The following ROBO2 variants were observed in gnomAD, a reference collection of about 807,000 sequenced individuals.
The protein encoded by ROBO2 is roundabout guidance receptor 2.
ROBO2 carries 53 observed loss-of-function variants against 160.8 expected under a neutral mutation model. The observed-to-expected ratio is 0.33, with a 90% CI of 0.26 to 0.41. The LOEUF is 0.41. Ranked by LOEUF, ROBO2 falls within the 10% of genes least tolerant of loss-of-function variation. The pLI, the probability that ROBO2 is intolerant of heterozygous loss-of-function variation, is 1.00. For synonymous variants in ROBO2, 664 were observed against 611.7 expected, an observed-to-expected ratio of 1.09 and a Z score of -1.26; for missense variants, 1,577 against 1,722.4, an observed-to-expected ratio of 0.92 and a Z score of 1.49.
At chr3:76,346,336 C>T (rs186666505) in intron 2 of ROBO2, among the ~76,000 whole-genome samples, 1 of 151,814 alleles carries the variant, frequency 6.6e-6, no homozygotes, top group African/African-American at 2.4e-5. Context: ...CAAGCTCCGC[C>T]TGGCAACAAC....
intron 2 of ROBO2, among the ~76,000 whole-genome samples, chr3:76,260,330 G>T (rs887949414): frequency 2.6e-5 from 4 of 152,058 alleles, no homozygotes; most frequent in African/African-American, 9.7e-5. Flanking sequence ...AATGACCATG[G>T]AAGTAGAAAA....
intron 2 of ROBO2, among the ~76,000 whole-genome samples, chr3:76,854,081 T>TCC (rs2069770369): frequency 6.7e-6 from 1 of 149,348 alleles, no homozygotes; most frequent in Admixed American, 6.7e-5. Context: ...TCTGTCTGCC[T>TCC]CTCTCTCTCT....
chr3:76,092,872 G>A (rs1373205200), intron 2 of ROBO2, among the ~76,000 whole-genome samples: 2 of 152,140 alleles, frequency 1.3e-5, no homozygotes, highest in East Asian at 3.9e-4. Context: ...CAAAAGAACA[G>A]TTTGAAGTAT....
chr3:77,246,327 A>ATGTGTGTGTGTGTGTGTATGTG (rs1553867550), intron 2 of ROBO2, among the ~76,000 whole-genome samples: 1 of 145,732 alleles, frequency 6.9e-6, no homozygotes. Context: ...GTGTATGTGT[A>ATGTGTGTGTGTGTGTGTATGTG]TGTGTGTGTG....
chr3:76,802,010 T>C (rs972572966), intron 2 of ROBO2, among the ~76,000 whole-genome samples: 3 of 152,134 alleles, frequency 2.0e-5, no homozygotes, highest in Non-Finnish European at 4.4e-5. Context: ...TTGATTAAGT[T>C]TACTATCTTA....
At chr3:76,283,136 G>GTATGTATATATATATATATATATA (rs1553695789) in intron 2 of ROBO2, among the ~76,000 whole-genome samples, 1 of 63,540 alleles carries the variant, frequency 1.6e-5, no homozygotes, top group Non-Finnish European at 3.4e-5. Flanking sequence ...ATATAAAACT[G>GTATGTATATATATATATATATATA]TATATATATA....
intron 4 of ROBO2, 147 bp from the exon 5 acceptor site, chr3:77,493,097 A>G (rs2086336846): frequency 4.0e-6 from 3 of 740,996 alleles, no homozygotes; most frequent in African/African-American, 3.5e-5. Context: ...TTGGATTCAC[A>G]AGGCCTTATT....
intron 2 of ROBO2, among the ~76,000 whole-genome samples, chr3:77,425,539 G>T (rs1228947051): frequency 6.6e-6 from 1 of 152,180 alleles, no homozygotes; most frequent in African/African-American, 2.4e-5. Flanking sequence ...AACTGTATAT[G>T]CAGTGGTACT....
intron 2 of ROBO2, among the ~76,000 whole-genome samples, chr3:76,642,533 G>T (rs781424522): frequency 2.0e-5 from 3 of 151,534 alleles, no homozygotes; most frequent in Non-Finnish European, 2.9e-5. Context: ...TGTATTTTTA[G>T]TAGACACGGG....
At chr3:76,860,288 C>T (rs2070613287) in intron 2 of ROBO2, among the ~76,000 whole-genome samples, 1 of 152,144 alleles carries the variant, frequency 6.6e-6, no homozygotes, top group African/African-American at 2.4e-5. Context: ...ATTCTTTCCT[C>T]AATGGCCTTC....
chr3:76,301,488 T>C (rs1209237078), intron 2 of ROBO2, among the ~76,000 whole-genome samples: 7 of 152,218 alleles, frequency 4.6e-5, no homozygotes, highest in Non-Finnish European at 8.8e-5. Flanking sequence ...TTATACTAAG[T>C]GATCTTTTAG....
chr3:77,387,444 G>A (rs538404275), intron 2 of ROBO2, among the ~76,000 whole-genome samples: 2 of 151,834 alleles, frequency 1.3e-5, no homozygotes, highest in African/African-American at 4.8e-5. Flanking sequence ...GTTGGGTCCA[G>A]TTGGTCTTAG....
intron 2 of ROBO2, among the ~76,000 whole-genome samples, chr3:77,147,696 T>A (rs1311995929): frequency 6.6e-6 from 1 of 152,244 alleles, no homozygotes; most frequent in Non-Finnish European, 1.5e-5. Flanking sequence ...TTTATTATAA[T>A]ATTACTGCTT....
chr3:76,610,150 A>G (rs1425318864), intron 2 of ROBO2, among the ~76,000 whole-genome samples: 1 of 152,168 alleles, frequency 6.6e-6, no homozygotes, highest in Non-Finnish European at 1.5e-5. Flanking sequence ...CATCAAGGAT[A>G]TTGGTCTATA....
intron 2 of ROBO2, among the ~76,000 whole-genome samples, chr3:77,180,309 A>C (rs995413077): frequency 6.6e-6 from 1 of 151,676 alleles, no homozygotes; most frequent in Non-Finnish European, 1.5e-5. Context: ...AACAACAAAA[A>C]ATCAGTTTAG....
intron 2 of ROBO2, among the ~76,000 whole-genome samples, chr3:77,304,511 CT>C (rs1264298957): frequency 1.3e-5 from 2 of 152,142 alleles, no homozygotes; most frequent in African/African-American, 4.8e-5. Flanking sequence ...ACATATATTA[CT>C]GCAGAGGCTT....
chr3:76,265,255 T>TC (rs756969835), intron 2 of ROBO2, among the ~76,000 whole-genome samples: 1 of 152,108 alleles, frequency 6.6e-6, no homozygotes, highest in Non-Finnish European at 1.5e-5. Context: ...TCCTTTAGGA[T>TC]CTAATACAAA....
At position 77,050,266 on chromosome 3, in the gene ROBO2, A is replaced by G. The variant is rs367737847; in HGVS notation, c.61+9420A>G. Among the ~76,000 whole-genome samples the G allele has an allele frequency of 5.3e-5, 8 of 152,272 alleles. No homozygotes were observed. In the South Asian group the frequency reaches 1.2e-3, roughly 24 times the overall value. On this transcript the variant is annotated intron_variant, in intron 1 of 25. Transcript: ENST00000461745. Reference sequence around the variant, plus strand: ...GCTTATTATTGTTCCATTAAATCAGAGACAGCATTTCACCTTCCTCATCTT... The same window carrying G: ...GCTTATTATTGTTCCATTAAATCAGGGACAGCATTTCACCTTCCTCATCTT...
chr3:76,624,815 A>G (rs2109335845), intron 2 of ROBO2, among the ~76,000 whole-genome samples: 1 of 149,098 alleles, frequency 6.7e-6, no homozygotes, highest in South Asian at 2.1e-4. Flanking sequence ...AAAAAAAAAA[A>G]AAAAAAAAAA....
Sources: allele counts gnomAD v4.1 joint callset (sites outside exome capture counted in the v4.1 genomes callset), GRCh38; gene constraint gnomAD v4.1.1; transcripts MANE v1.5; gene names NCBI Gene and HGNC (gene_info 2026-07-23, HGNC 2026-07-21).